The following MYH10 variants were observed in gnomAD, a reference collection of about 807,000 sequenced individuals.
The protein encoded by MYH10 is myosin-10.
Under a neutral mutation model 257.8 loss-of-function variants are expected in MYH10, and 55 were observed. The ratio of observed to expected loss-of-function variants is 0.21; its 90% CI spans 0.17 to 0.27. The LOEUF is 0.27. Among genes scored for constraint, MYH10 ranks in the 10% least tolerant of loss-of-function variants. The probability of loss-of-function intolerance (pLI) is 1.00; values close to 1 mark genes in which losing one functional copy is unlikely to be tolerated. For synonymous variants in MYH10, 854 were observed against 921.7 expected (o/e 0.93, Z 1.33); for missense variants, 1,631 against 2,500.6 (o/e 0.65, Z 7.42).
chr17:8,536,563 G>A (rs1221129609), intron 14 of MYH10, among the ~76,000 whole-genome samples: 1 of 152,156 alleles, frequency 6.6e-6, no homozygotes, highest in Non-Finnish European at 1.5e-5. Flanking sequence ...CACTTTGGGA[G>A]GCCGAGGCAG....
Position 8,476,901 on chromosome 17 carries a change from C to A in MYH10, c.5854G>T (p.Val1952Phe), listed in dbSNP as rs781756908. The A allele has an allele frequency of 1.9e-6, 3 of 1,611,386 alleles. No homozygotes were observed. The highest frequency in any genetic ancestry group is 2.5e-6 in the Non-Finnish European group (3 of 1,179,974). ...TEANEGLSREVSTLKNRLRRG... is the reference protein window; with the variant it reads ...TEANEGLSREFSTLKNRLRRG... ...CTCAGCCGGTTCTTCAGGGTGCTGA[C>A]CTCGCGGCTCAGGCCCTCGTTGGCC... is the stretch of plus-strand genomic sequence containing the variant. Residue 1952 changes from valine to phenylalanine, a missense_variant, in exon 42 of 43, where the codon GTC (valine) becomes TTC (phenylalanine). Physicochemically the swap from Val to Phe is conservative, Grantham distance 50. Coordinates refer to ENST00000360416, the MANE Select transcript of MYH10 (RefSeq NM_001256012.3).
intron 4 of MYH10, among the ~76,000 whole-genome samples, chr17:8,580,896 G>A (rs2083680231): frequency 6.6e-6 from 1 of 152,142 alleles, no homozygotes; most frequent in Non-Finnish European, 1.5e-5. Flanking sequence ...TATAAGGAAT[G>A]CTGCAAAAGA....
rs2082117092 is a variant in MYH10 at position 8,535,466 on chromosome 17, A to G, written c.1815T>C (p.Asn605=). ...DYKADEWLMK[N]MDPLNDNVAT... ...CCACGTTGTCATTCAGGGGGTCCAT[A>G]TTCTTCATCAGCCACTCATCTGCCT... is the stretch of plus-strand genomic sequence containing the variant. The change falls in exon 16 of 43, where the codon AAT becomes AAC. Residue 605 remains asparagine, a synonymous_variant. Transcript: ENST00000360416. The surrounding 1 kb of genome is among the most constrained non-coding windows in gnomAD (Gnocchi z 4.3). 6 of 1,614,050 alleles carry G rather than the reference A, an allele frequency of 3.7e-6. No individual in the cohort carries two copies. The highest frequency in any genetic ancestry group is 1.6e-4 in the Middle Eastern group (1 of 6,062).
chr17:8,487,456 T>C lies in MYH10; in HGVS notation c.5023A>G (p.Ile1675Val). The change falls in exon 36 of 43, where the codon ATT becomes GTT. Residue 1675 changes from isoleucine to valine, a missense_variant. By Grantham distance (29) the Ile-to-Val change is conservative (BLOSUM62 3). Around this residue, in one of 11 missense-constraint regions of MYH10, gnomAD observed 463 missense variants for 621.8 expected, o/e 0.74. Coordinates refer to ENST00000360416, the MANE Select transcript of MYH10 (RefSeq NM_001256012.3). ...EAANKARDEVIKQLRKLQAQM... is the reference protein window; with the variant it reads ...EAANKARDEVVKQLRKLQAQM... ...ACCTGGAGCTTGCGGAGCTGCTTAA[T>C]CACCTCATCCCGAGCTTTGTTCGCA... 5 of 1,614,196 alleles carry C rather than the reference T, an allele frequency of 3.1e-6. No homozygotes were observed. The highest frequency in any genetic ancestry group is 4.2e-6 in the Non-Finnish European group (5 of 1,180,044).
intron 2 of MYH10, among the ~76,000 whole-genome samples, chr17:8,616,537 A>G (rs1424706177): frequency 6.6e-6 from 1 of 152,142 alleles, no homozygotes; most frequent in Admixed American, 6.5e-5. Flanking sequence ...CACCATTTAA[A>G]TAATATTCAA....
intron 28 of MYH10, among the ~76,000 whole-genome samples, chr17:8,502,168 C>T (rs1303424488): frequency 1.3e-5 from 2 of 152,162 alleles, no homozygotes; most frequent in African/African-American, 4.8e-5. Context: ...ACACATCATC[C>T]CTCTCTTCAC....
At chr17:8,566,425 T>C (rs2083169680) in intron 7 of MYH10, among the ~76,000 whole-genome samples, 3 of 152,168 alleles carry the variant, frequency 2.0e-5, no homozygotes, top group Admixed American at 2.0e-4. Context: ...TTGGATCACT[T>C]GCTCTGGGAG....
chr17:8,561,791 G>A (rs1476457295), intron 7 of MYH10, among the ~76,000 whole-genome samples: 1 of 152,218 alleles, frequency 6.6e-6, no homozygotes, highest in East Asian at 1.9e-4. Context: ...TCCCTAGCTT[G>A]GTGTCCTTTT....
chr17:8,590,335 CAG>C (rs1418724988), intron 3 of MYH10, among the ~76,000 whole-genome samples: 6 of 152,066 alleles, frequency 3.9e-5, no homozygotes, highest in African/African-American at 9.7e-5. Flanking sequence ...TTTTTTCAGA[CAG>C]AGTCTCGCTC....
At chr17:8,598,900 G>A (rs967684113) in intron 3 of MYH10, among the ~76,000 whole-genome samples, 1 of 151,922 alleles carries the variant, frequency 6.6e-6, no homozygotes, top group African/African-American at 2.4e-5. Flanking sequence ...AGAGCTGGGG[G>A]TTCACCATGT....
chr17:8,517,329 T>C (rs1413320500), intron 21 of MYH10, among the ~76,000 whole-genome samples: 2 of 152,170 alleles, frequency 1.3e-5, no homozygotes, highest in South Asian at 2.1e-4. Flanking sequence ...TCTTGACCAC[T>C]ATCTGGGCAA....
intron 3 of MYH10, 152 bp downstream of exon 3, chr17:8,604,674 T>C (rs748172209): frequency 1.2e-4 from 64 of 542,048 alleles, no homozygotes; most frequent in South Asian, 3.2e-4. Context: ...TGTTTTAATC[T>C]TAAAAACTCA....
intron 3 of MYH10, among the ~76,000 whole-genome samples, chr17:8,590,646 A>T (rs2084093429): frequency 6.6e-6 from 1 of 152,018 alleles, no homozygotes; most frequent in Non-Finnish European, 1.5e-5. Context: ...ACCTGGTGTT[A>T]TTCTTCCTTC....
intron 14 of MYH10, among the ~76,000 whole-genome samples, chr17:8,537,972 G>A (rs1428365556): frequency 6.6e-6 from 1 of 152,218 alleles, no homozygotes; most frequent in African/African-American, 2.4e-5. Flanking sequence ...CCCACAGTCT[G>A]GCAAGGCAGG....
intron 26 of MYH10, among the ~76,000 whole-genome samples, chr17:8,507,317 A>G (rs1212852509): frequency 6.6e-6 from 1 of 152,270 alleles, no homozygotes; most frequent in Non-Finnish European, 1.5e-5. Context: ...TCTTCCTATC[A>G]TAAACGCACA....
intron 7 of MYH10, among the ~76,000 whole-genome samples, chr17:8,567,492 A>T (rs2083200765): frequency 1.3e-5 from 2 of 152,230 alleles, no homozygotes; most frequent in Admixed American, 1.3e-4. Context: ...GTCCCTGCAC[A>T]AATTCCTGTG....
intron 4 of MYH10, 75 bp downstream of exon 4, chr17:8,589,006 T>TC: frequency 7.1e-7 from 1 of 1,404,788 alleles, no homozygotes; most frequent in Non-Finnish European, 1.0e-6. Flanking sequence ...ACTTCTCCCC[T>TC]CCCCCCAGAC....
chr17:8,509,545 A>G (rs2081189229), intron 25 of MYH10, among the ~76,000 whole-genome samples: 1 of 152,228 alleles, frequency 6.6e-6, no homozygotes, highest in South Asian at 2.1e-4. Context: ...GATGGAGACA[A>G]GTCATCATTG....
At chr17:8,476,813 C>T (rs1597580365) in intron 42 of MYH10, 63 bp downstream of exon 42, 3 of 1,543,534 alleles carry the variant, frequency 1.9e-6, no homozygotes, top group Non-Finnish European at 2.6e-6. Context: ...ACCAGCTGCA[C>T]CCCGAGCCTA....
Sources: allele counts gnomAD v4.1 joint callset (sites outside exome capture counted in the v4.1 genomes callset), GRCh38; gene constraint gnomAD v4.1.1; regional missense constraint gnomAD v4.1.1; non-coding constraint Gnocchi (gnomAD v3.1); transcripts MANE v1.5; gene names NCBI Gene and HGNC (gene_info 2026-07-23, HGNC 2026-07-21).